FDX1: variants seen among roughly 807,000 people sequenced by gnomAD.
The protein encoded by FDX1 is ferredoxin 1.
A neutral mutation model predicts 14.9 loss-of-function variants in FDX1; 9 were observed. The ratio of observed to expected loss-of-function variants is 0.60; its 90% confidence interval spans 0.36 to 1.05. The LOEUF (loss-of-function observed/expected upper bound fraction) is 1.05. FDX1 is among the 50% of genes least tolerant of loss of function. FDX1 has a pLI of 0.01. For missense variants in FDX1, 204 were observed against 237.2 expected (o/e 0.86, Z 0.92); for synonymous variants, 92 against 99.4 (o/e 0.93, Z 0.44).
At chr11:110,443,581 C>T (rs1260469246) in intron 2 of FDX1, among the ~76,000 whole-genome samples, 1 of 151,790 alleles carries the variant, frequency 6.6e-6, no homozygotes, top group African/African-American at 2.4e-5. Flanking sequence ...GCTGGGATTA[C>T]AGGTGTCTAC....
rs1359150037 is a variant in FDX1 at position 110,429,958 on chromosome 11, T to C, written c.-163T>C. The C allele has an allele frequency of 5.0e-6, 2 of 401,686 alleles. No individual in the cohort carries two copies. Among genetic ancestry groups the C allele is most frequent in the Non-Finnish European group, 8.2e-6 (2 of 242,624 alleles). The allele number at this position is 401,686 out of a possible 1,614,324, so 24.9% of individuals were successfully genotyped here. A position where few individuals can be genotyped will look rare whatever the true frequency, so the allele number is the denominator to read the frequency against. On this transcript the variant is annotated 5_prime_UTR_variant, in exon 1 of 4. Coordinates refer to ENST00000260270, the MANE Select transcript of FDX1 (RefSeq NM_004109.5). ...GGTCACCCGGAAGGCACGCGGAACC[T>C]CGGCGCGGTGCTTCCAGCAGGGTCT...
Position 110,447,273 on chromosome 11 carries a change from C to CAA in FDX1, c.311-9616_311-9615dup, listed in dbSNP as rs541827807. Among the ~76,000 whole-genome samples, 117 of 75,726 alleles carry CAA rather than the reference C, an allele frequency of 1.5e-3. 1 individual carries two copies. The highest frequency in any genetic ancestry group is 0.011 in the Middle Eastern group (1 of 90). The allele number at this position is 75,726 out of a possible 152,430, so 49.7% of individuals were successfully genotyped here. ...TGAAACCCCGTCTCTACTAAAAATACAAAAAAAAAAAAAAAAAAAAAAAAA... is the reference window on the plus strand; with the variant it reads ...TGAAACCCCGTCTCTACTAAAAATACAAAAAAAAAAAAAAAAAAAAAAAAAAA... On this transcript the variant is annotated intron_variant, in intron 2 of 3. Coordinates refer to ENST00000260270, the MANE Select transcript of FDX1 (RefSeq NM_004109.5).
At chr11:110,433,631 T>C (rs776680626) in intron 1 of FDX1, among the ~76,000 whole-genome samples, 4 of 152,250 alleles carry the variant, frequency 2.6e-5, no homozygotes, top group Non-Finnish European at 4.4e-5. Context: ...ATGGCAGTTA[T>C]TCATGTTGAA....
chr11:110,441,700 A>T (rs534138721), intron 2 of FDX1, among the ~76,000 whole-genome samples: 150 of 152,290 alleles, frequency 9.8e-4, no homozygotes, highest in African/African-American at 3.5e-3. Flanking sequence ...AAGTTTGGAA[A>T]ATTTGCAGCC....
At chr11:110,460,362 T>C (rs1279099261) in intron 3 of FDX1, among the ~76,000 whole-genome samples, 1 of 152,256 alleles carries the variant, frequency 6.6e-6, no homozygotes, top group Non-Finnish European at 1.5e-5. Context: ...GCCGCTTTTC[T>C]GGCCCATCAT....
intron 1 of FDX1, among the ~76,000 whole-genome samples, chr11:110,431,527 G>A (rs1286319144): frequency 6.6e-6 from 1 of 152,140 alleles, no homozygotes; most frequent in Non-Finnish European, 1.5e-5. Flanking sequence ...GAACTTTGGG[G>A]GAAATCAGGG....
rs1565387173 is a variant in FDX1, at chr11:110,464,763, AGCACTC to A, written c.*2296_*2301del. On this transcript the variant is annotated 3_prime_UTR_variant, in exon 4 of 4. Transcript: ENST00000260270. ...TACTTTAATGATTATATTCAACCAA[AGCACTC>A]TAAAATTTAGAGTATAAATTGTCTT... 6.6e-6 allele frequency: 1 copy of A among 152,218 alleles called. No homozygotes were observed. The highest frequency in any genetic ancestry group is 1.5e-5 in the Non-Finnish European group (1 of 68,034). The allele number at this position is 152,218 out of a possible 1,614,324, so 9.4% of individuals were successfully genotyped here.
chr11:110,445,107 G>A (rs1260556162), intron 2 of FDX1, among the ~76,000 whole-genome samples: 1 of 151,870 alleles, frequency 6.6e-6, no homozygotes, highest in Non-Finnish European at 1.5e-5. Context: ...TTTCTGATGA[G>A]GTATTGTTTA....
chr11:110,435,726 G>A (rs2134567555), intron 1 of FDX1, 108 bp from the exon 2 acceptor site: 1 of 725,558 alleles, frequency 1.4e-6, no homozygotes, highest in East Asian at 3.0e-5. Flanking sequence ...GTGGTGCTGG[G>A]CACCTGTATT....
intron 3 of FDX1, among the ~76,000 whole-genome samples, chr11:110,458,631 A>G (rs915828780): frequency 6.0e-5 from 9 of 151,204 alleles, no homozygotes; most frequent in African/African-American, 2.2e-4. Context: ...TTTTTGAGGC[A>G]GAGTCTTGCT....
At chr11:110,462,001 C>G (rs1565386411) in intron 3 of FDX1, among the ~76,000 whole-genome samples, 1 of 152,120 alleles carries the variant, frequency 6.6e-6, no homozygotes, top group Non-Finnish European at 1.5e-5. Flanking sequence ...TAATCATTTT[C>G]TTGGCCTTGC....
At chr11:110,446,636 C>G in intron 2 of FDX1, among the ~76,000 whole-genome samples, 1 of 152,188 alleles carries the variant, frequency 6.6e-6, no homozygotes, top group South Asian at 2.1e-4. Context: ...CTGCTCGAAC[C>G]TGAAACCGTA....
chr11:110,463,439 G>A lies in FDX1; in HGVS notation c.*971G>A, dbSNP rs910794037. The A allele has an allele frequency of 6.6e-6, 1 of 152,234 alleles. No homozygotes were observed. The highest frequency in any genetic ancestry group is 2.4e-5 in the African/African-American group (1 of 41,460). The allele number at this position is 152,234 out of a possible 1,614,324, so 9.4% of individuals were successfully genotyped here. ...AAGCACCACAGATTACCACGTATGT[G>A]TGGAAGACATTCGTACTCTTATCTT... On this transcript the variant is annotated 3_prime_UTR_variant, in exon 4 of 4. Coordinates refer to ENST00000260270, the MANE Select transcript of FDX1 (RefSeq NM_004109.5).
Position 110,446,909 on chromosome 11 carries a change from G to A in FDX1, c.311-10009G>A, listed in dbSNP as rs545798079. Among the ~76,000 whole-genome samples, 3 of 152,340 alleles carry A rather than the reference G, an allele frequency of 2.0e-5. 1 individual carries two copies. In the East Asian group the frequency reaches 5.8e-4, roughly 29 times the overall value. ...AGCCATGAGTGGGCCAGGCACAGTG[G>A]CTGACGCCTGTAATCCCTGCACTTT... On this transcript the variant is annotated intron_variant, in intron 2 of 3. Transcript: ENST00000260270.
At chr11:110,460,786 A>G (rs1946551716) in intron 3 of FDX1, among the ~76,000 whole-genome samples, 2 of 152,234 alleles carry the variant, frequency 1.3e-5, no homozygotes, top group Non-Finnish European at 2.9e-5. Context: ...GGTGAGGTTA[A>G]GCAAGTTGCC....
intron 2 of FDX1, among the ~76,000 whole-genome samples, chr11:110,439,148 T>G (rs751381422): frequency 2.0e-5 from 3 of 151,874 alleles, no homozygotes; most frequent in Non-Finnish European, 4.4e-5. Context: ...TCAAATGATC[T>G]GCCCACCTTG....
At position 110,444,690 on chromosome 11, in the gene FDX1, A is replaced by ATATATATATATACG. The variant is rs1242421514; in HGVS notation, c.310+8744_310+8745insCGTATATATATATA. On this transcript the variant is annotated intron_variant, in intron 2 of 3. Transcript: ENST00000260270. Reference sequence around the variant, plus strand: ...CGTATATATATATATATATACACGTATATATATATATATACGTATATATAT... The same window carrying ATATATATATATACG: ...CGTATATATATATATATATACACGTATATATATATATACGTATATATATATATACGTATATATAT... 3.8e-4 allele frequency among the ~76,000 whole-genome samples: 21 copies of ATATATATATATACG among 54,982 alleles called. 1 individual carries two copies. The highest frequency in any genetic ancestry group is 6.6e-4 in the Admixed American group (3 of 4,520). 36.1% of individuals were successfully genotyped at this position (54,982 alleles called of 152,430 possible).
chr11:110,444,705 CG>C (rs1946433962), intron 2 of FDX1, among the ~76,000 whole-genome samples: 1 of 36,674 alleles, frequency 2.7e-5, no homozygotes, highest in Non-Finnish European at 5.7e-5. Flanking sequence ...TATATATATA[CG>C]TATATATATA....
intron 3 of FDX1, 34 bp downstream of exon 3, chr11:110,457,081 A>T: frequency 6.3e-7 from 1 of 1,588,926 alleles, no homozygotes; most frequent in Non-Finnish European, 8.6e-7. Context: ...TTGTAATAAT[A>T]ATCTGGGAAC....
Sources: gnomAD v4.1 joint callset for allele counts (sites outside exome capture counted in the v4.1 genomes callset) on GRCh38, gnomAD v4.1.1 for gene constraint, MANE v1.5 for transcripts, NCBI Gene and HGNC (gene_info 2026-07-23, HGNC 2026-07-21) for gene names.